TNRC6A: variants seen among roughly 807,000 people sequenced by gnomAD.
TNRC6A encodes trinucleotide repeat-containing gene 6A protein.
Under a neutral mutation model 221.2 loss-of-function variants are expected in TNRC6A, and 44 were observed. The observed-to-expected ratio is 0.20, with a 90% CI of 0.16 to 0.26. The LOEUF (loss-of-function observed/expected upper bound fraction) is 0.26, where lower values mean the gene tolerates loss of function less well. Among genes scored for constraint, TNRC6A ranks in the 10% least tolerant of loss-of-function variants. The pLI, the probability that TNRC6A is intolerant of heterozygous loss-of-function variation, is 1.00. For missense variants in TNRC6A, 2,199 were observed against 2,404.4 expected, an observed-to-expected ratio of 0.91 and a Z score of 1.79; for synonymous variants, 847 against 838.5, an observed-to-expected ratio of 1.01 and a Z score of -0.18.
In TNRC6A at chr16:24,669,119, T is replaced by C. The variant is rs140526287; in HGVS notation, n.402+28110T>C. Among the ~76,000 whole-genome samples, 33 of 152,192 alleles carry C rather than the reference T, an allele frequency of 2.2e-4. No homozygotes were observed. In the East Asian group the frequency reaches 2.7e-3, roughly 12 times the overall value. On this transcript the variant is annotated intron_variant and non_coding_transcript_variant, in intron 2 of 2. Coordinates refer to the TNRC6A transcript ENST00000566108. The stretch of plus-strand genomic sequence containing the variant: ...AAATAAAGCCTTAAATAAATAACAA[T>C]GTGAGTGGTACTCAGGACTAAAATA...
At chr16:24,792,028 T>C (rs1343606731) in intron 6 of TNRC6A, among the ~76,000 whole-genome samples, 1 of 152,158 alleles carries the variant, frequency 6.6e-6, no homozygotes, top group African/African-American at 2.4e-5. Flanking sequence ...CATTCTCTAT[T>C]AGAAATGCAA....
intron 5 of TNRC6A, among the ~76,000 whole-genome samples, chr16:24,785,900 T>C (rs900982532): frequency 6.6e-6 from 1 of 152,156 alleles, no homozygotes; most frequent in Non-Finnish European, 1.5e-5. Flanking sequence ...GGAAAAAAGA[T>C]GTATGGATTT....
chr16:24,778,293 T>C (rs2057768905), intron 5 of TNRC6A: 3 of 985,212 alleles, frequency 3.0e-6, no homozygotes, highest in Non-Finnish European at 3.6e-6. Flanking sequence ...TGCTCTCTTT[T>C]ATATACCAAG....
intron 2 of TNRC6A, among the ~76,000 whole-genome samples, chr16:24,724,206 G>A (rs752500047): frequency 1.1e-4 from 16 of 152,098 alleles, no homozygotes; most frequent in Non-Finnish European, 2.4e-4. Context: ...AAACAGTTCT[G>A]TAATGTAGCG....
rs200049386 is a variant in TNRC6A, at chr16:24,750,784, A to G, written c.112A>G (p.Lys38Glu). The stretch of plus-strand genomic sequence containing the variant: ...AGAAAAGAAAAAGAAAAAAGACGAC[A>G]AGAAAAAGAAGGAAGCTGCTCAAAA... ...MEEKKKKKDD[K>E]KKKEAAQKKA... is the part of the protein sequence containing the mutation. The change falls in exon 3 of 25, where the codon AAG (lysine) becomes GAG (glutamate). Residue 38 changes from lysine (K) to glutamate (E), a missense_variant. Physicochemically the swap from Lys to Glu is moderately conservative, Grantham distance 56. Coordinates refer to ENST00000395799, the MANE Select transcript of TNRC6A (RefSeq NM_014494.4). 1 of 1,567,454 alleles carries G rather than the reference A, an allele frequency of 6.4e-7. No individual in the cohort carries two copies. Among genetic ancestry groups the G allele is most frequent in the East Asian group, 2.3e-5 (1 of 43,790 alleles).
At chr16:24,777,465 T>G in intron 5 of TNRC6A, 107 bp downstream of exon 5, 1 of 1,086,508 alleles carries the variant, frequency 9.2e-7, no homozygotes, top group South Asian at 1.5e-5. Flanking sequence ...CATCAGTATG[T>G]GGGCTTTAAT....
At chr16:24,673,427 G>T (rs74707676) in intron 2 of TNRC6A, among the ~76,000 whole-genome samples, 1 of 152,144 alleles carries the variant, frequency 6.6e-6, no homozygotes, top group African/African-American at 2.4e-5. Flanking sequence ...GCTCACCGAG[G>T]GATGCCTGTA....
intron 4 of TNRC6A, among the ~76,000 whole-genome samples, chr16:24,763,374 G>A (rs1208081266): frequency 6.6e-6 from 1 of 152,164 alleles, no homozygotes; most frequent in Non-Finnish European, 1.5e-5. Context: ...CTGTTGACCA[G>A]TACATTTGTT....
chr16:24,762,770 A>G (rs72768681), intron 4 of TNRC6A, among the ~76,000 whole-genome samples: 7,634 of 152,332 alleles, frequency 0.05, 291 homozygotes, highest in Middle Eastern at 0.075. Flanking sequence ...TGCCTGAGCC[A>G]GAATTTGACT....
Position 24,797,533 on chromosome 16 carries a change from A to G in TNRC6A, c.3605A>G (p.Asn1202Ser). 6.2e-7 allele frequency: 1 copy of G among 1,612,328 alleles called. No homozygotes were observed. The highest frequency in any genetic ancestry group is 1.1e-5 in the South Asian group (1 of 90,426). Residue 1202 changes from asparagine to serine, a missense_variant, in exon 10 of 25, where the codon AAT becomes AGT. By Grantham distance (46) the Asn-to-Ser change is conservative. This residue lies in a region of TNRC6A where 158 missense variants were observed against 159.1 expected (regional missense o/e 0.99). Transcript: ENST00000395799. Reference sequence around the variant, plus strand: ...AACAAACAAGAAGAAGCGTGGATAAATCCATTTGTTAAACAGTTTTCAAAC... The same window carrying G: ...AACAAACAAGAAGAAGCGTGGATAAGTCCATTTGTTAAACAGTTTTCAAAC... ...GGNKQEEAWI[N>S]PFVKQFSNIS...
intron 2 of TNRC6A, among the ~76,000 whole-genome samples, chr16:24,698,093 C>T (rs865783845): frequency 9.9e-5 from 15 of 151,424 alleles, no homozygotes; most frequent in Admixed American, 7.9e-4. Flanking sequence ...TTTGAGGGGC[C>T]GAGGCAGGAG....
At chr16:24,627,149 C>A (rs1438702265) in intron 1 of TNRC6A, among the ~76,000 whole-genome samples, 1 of 152,004 alleles carries the variant, frequency 6.6e-6, no homozygotes, top group African/African-American at 2.4e-5. Context: ...TACTGCTCAC[C>A]TGCCGCAGCT....
upstream of TNRC6A, among the ~76,000 whole-genome samples, chr16:24,724,749 A>T (rs1411928839): frequency 6.6e-6 from 1 of 152,200 alleles, no homozygotes; most frequent in Non-Finnish European, 1.5e-5. Context: ...GTTAAAATAA[A>T]TAATAAATAA....
At chr16:24,670,111 A>G (rs1472947293) in intron 2 of TNRC6A, among the ~76,000 whole-genome samples, 4 of 151,360 alleles carry the variant, frequency 2.6e-5, no homozygotes, top group African/African-American at 9.7e-5. Context: ...CACCATGCCC[A>G]GCTAATTTTT....
At chr16:24,746,930 A>T (rs2057023772) in intron 2 of TNRC6A, among the ~76,000 whole-genome samples, 1 of 152,164 alleles carries the variant, frequency 6.6e-6, no homozygotes, top group Non-Finnish European at 1.5e-5. Flanking sequence ...TCTGTTCTCA[A>T]ACTCCTGGCC....
intron 21 of TNRC6A, 58 bp from the exon 22 acceptor site, chr16:24,820,081 A>G: frequency 6.7e-7 from 1 of 1,496,558 alleles, no homozygotes; most frequent in Non-Finnish European, 9.3e-7. Context: ...CATTATTTAA[A>G]TTTCCTCCTT....
chr16:24,792,542 C>T (rs1438166834), intron 6 of TNRC6A, among the ~76,000 whole-genome samples: 2 of 111,854 alleles, frequency 1.8e-5, no homozygotes, highest in African/African-American at 3.5e-5. Flanking sequence ...AGGTTTGATT[C>T]TTAAAAGGAA....
chr16:24,762,507 A>G (rs757364300), intron 4 of TNRC6A, among the ~76,000 whole-genome samples: 21 of 152,192 alleles, frequency 1.4e-4, no homozygotes, highest in Non-Finnish European at 2.4e-4. Flanking sequence ...AAGCTTCTTA[A>G]TGTGCTAAGA....
intron 3 of TNRC6A, among the ~76,000 whole-genome samples, chr16:24,752,191 G>A (rs1372642721): frequency 6.6e-6 from 1 of 152,158 alleles, no homozygotes; most frequent in East Asian, 1.9e-4. Context: ...GTGAAATACT[G>A]GTGAAGGGAC....
Sources: gnomAD v4.1 joint callset for allele counts (sites outside exome capture counted in the v4.1 genomes callset) on GRCh38, gnomAD v4.1.1 for gene constraint, gnomAD v4.1.1 regional missense constraint, MANE v1.5 for transcripts, NCBI Gene and HGNC (gene_info 2026-07-23, HGNC 2026-07-21) for gene names.